Variants in SBNO2 observed in about 807,000 individuals in gnomAD.
SBNO2 encodes protein strawberry notch homolog 2.
A neutral mutation model predicts 146.3 loss-of-function variants in SBNO2; 89 were observed. The ratio of observed to expected loss-of-function variants is 0.61; its 90% CI spans 0.51 to 0.73. The LOEUF is 0.73. SBNO2 is among the 30% of genes least tolerant of loss of function. SBNO2 has a pLI of 0.00. For synonymous variants in SBNO2, 1,147 were observed against 892.6 expected (o/e 1.29, Z -5.08); for missense variants, 2,092 against 2,003.7 (o/e 1.04, Z -0.84).
intron 1 of SBNO2, among the ~76,000 whole-genome samples, chr19:1,172,005 C>T (rs761741046): frequency 2.0e-5 from 3 of 152,182 alleles, no homozygotes; most frequent in African/African-American, 4.8e-5. Context: ...GCTCCTGCTG[C>T]CTCTTCTGTG....
At chr19:1,139,818 G>A (rs1236595736) in intron 4 of SBNO2, among the ~76,000 whole-genome samples, 9 of 151,694 alleles carry the variant, frequency 5.9e-5, no homozygotes, top group Admixed American at 5.9e-4. Flanking sequence ...TATGGTGCGC[G>A]TCTGTAATCC....
Position 1,147,360 on chromosome 19 carries a change from G to A in SBNO2, c.228C>T (p.Ala76=). Residue 76 remains alanine (A), a synonymous_variant, in exon 4 of 32, where the codon GCC becomes GCT. Transcript: ENST00000361757. ...GCAAGCTGGAGGCGGTGGCCACGGG[G>A]GCATAGCTGGTGTCTGGGCAGGGCT... The part of the protein sequence containing the change: ...GSQPCPDTSY[A]PVATASSLPP... 2.6e-6 allele frequency: 4 copies of A among 1,564,112 alleles called. No individual in the cohort carries two copies. The highest frequency in any genetic ancestry group is 3.4e-6 in the Non-Finnish European group (4 of 1,160,860).
intron 17 of SBNO2, 22 bp from the exon 18 acceptor site, chr19:1,114,444 C>A: frequency 6.7e-7 from 1 of 1,495,750 alleles, no homozygotes; most frequent in Non-Finnish European, 8.9e-7. Context: ...GACAGGGTCA[C>A]CGAGGGCCAG....
intron 31 of SBNO2, 24 bp from the exon 32 acceptor site, chr19:1,108,728 G>A (rs765560127): frequency 1.3e-6 from 2 of 1,575,460 alleles, no homozygotes; most frequent in Non-Finnish European, 1.7e-6. Flanking sequence ...GTCGGGGTCA[G>A]GGCCGGCGCT....
rs1369380965 is a variant in SBNO2 at position 1,158,781 on chromosome 19, C to G, written c.-126-4379G>C. Reference sequence around the variant, plus strand: ...ACCTGAAGATGGCAAGGAGCAGGCCCCCGGGTGTCCCGGGAACCCCGCACA... The same window carrying G: ...ACCTGAAGATGGCAAGGAGCAGGCCGCCGGGTGTCCCGGGAACCCCGCACA... On this transcript the variant is annotated intron_variant, in intron 1 of 31. Coordinates refer to ENST00000361757, the MANE Select transcript of SBNO2 (RefSeq NM_014963.3). This position sits in a 1 kb window ranked among gnomAD's most constrained non-coding sequence, Gnocchi z 9.9. Among the ~76,000 whole-genome samples the G allele has an allele frequency of 6.6e-6, 1 of 152,170 alleles. No individual in the cohort carries two copies. The highest frequency in any genetic ancestry group is 1.5e-5 in the Non-Finnish European group (1 of 68,030).
intron 1 of SBNO2, among the ~76,000 whole-genome samples, chr19:1,167,160 C>T (rs1203386143): frequency 6.6e-6 from 1 of 152,264 alleles, no homozygotes; most frequent in Non-Finnish European, 1.5e-5. Context: ...GAGCTACGCA[C>T]CCTGTCCTGA....
In SBNO2 at chr19:1,150,631, C is replaced by T. The variant is rs148143021; in HGVS notation, c.94-1189G>A. On this transcript the variant is annotated intron_variant, in intron 2 of 31. Coordinates refer to ENST00000361757, the MANE Select transcript of SBNO2 (RefSeq NM_014963.3). This position sits in a 1 kb window ranked among gnomAD's most constrained non-coding sequence, Gnocchi z 6.2. ...CTTATCCCAGCAGGACTGGGGGCCA[C>T]GCTGGCTTCCAGAACAGGGTTGGGG... Among the ~76,000 whole-genome samples, 519 of 152,254 alleles carry T rather than the reference C, an allele frequency of 3.4e-3. 5 individuals are homozygous for T. The highest frequency in any genetic ancestry group is 0.012 in the African/African-American group (501 of 41,548).
At chr19:1,163,560 G>C (rs1438790557) in intron 1 of SBNO2, among the ~76,000 whole-genome samples, 1 of 152,230 alleles carries the variant, frequency 6.6e-6, no homozygotes, top group Non-Finnish European at 1.5e-5. Context: ...GTGCCCTGGG[G>C]TGAGGCGGCA....
chr19:1,113,445 G>C, intron 19 of SBNO2, 90 bp downstream of exon 19: 1 of 1,163,430 alleles, frequency 8.6e-7, no homozygotes, highest in Non-Finnish European at 1.2e-6. Flanking sequence ...GTGACCAGCA[G>C]GGGCCACCAG....
intron 1 of SBNO2, among the ~76,000 whole-genome samples, chr19:1,156,512 C>A (rs1464008748): frequency 6.6e-6 from 1 of 152,180 alleles, no homozygotes; most frequent in Non-Finnish European, 1.5e-5. Flanking sequence ...AGTCACCACA[C>A]CACCGAGCAA....
In SBNO2 at chr19:1,112,017, G is replaced by A; in HGVS notation, c.2679C>T (p.Ser893=). ...DRRATESRDL[S]KYNFENKYGT... is the part of the protein sequence containing the mutation. The stretch of plus-strand genomic sequence containing the variant: ...GTACCTTGTTCTCAAAGTTGTACTT[G>A]CTGAGGTCACGGGACTCCGTGGCGC... Residue 893 remains serine (S), a synonymous_variant, in exon 23 of 32, where the codon AGC becomes AGT. Transcript: ENST00000361757. The surrounding 1 kb of genome is among the most constrained non-coding windows in gnomAD (Gnocchi z 5.9). 1 of 1,598,368 alleles carries A rather than the reference G, an allele frequency of 6.3e-7. No homozygotes were observed. Among genetic ancestry groups the A allele is most frequent in the Non-Finnish European group, 8.5e-7 (1 of 1,171,480 alleles).
chr19:1,120,109 C>T, intron 11 of SBNO2, 86 bp from the exon 12 acceptor site: 5 of 1,034,434 alleles, frequency 4.8e-6, no homozygotes, highest in Middle Eastern at 2.1e-4. Context: ...ACCCCACCTT[C>T]CTGGTGGGGG....
chr19:1,149,279 C>T (rs2080220758), intron 3 of SBNO2, 90 bp downstream of exon 3: 9 of 1,233,020 alleles, frequency 7.3e-6, no homozygotes, highest in Non-Finnish European at 8.1e-6. Flanking sequence ...GACTTTGGGC[C>T]CTCGCGCCCT....
In SBNO2 at chr19:1,110,253, G is replaced by C. The variant is rs2079739825; in HGVS notation, c.3029-476C>G. ...GACCCGACCCTCATCTGGACACAGG[G>C]AAGTGGTCCTGATGGACAGGCCTGG... On this transcript the variant is annotated intron_variant, in intron 26 of 31. Coordinates refer to ENST00000361757, the MANE Select transcript of SBNO2 (RefSeq NM_014963.3). This position sits in a 1 kb window ranked among gnomAD's most constrained non-coding sequence, Gnocchi z 4.9. 6.6e-6 allele frequency among the ~76,000 whole-genome samples: 1 copy of C among 152,164 alleles called. No homozygotes were observed. The highest frequency in any genetic ancestry group is 6.5e-5 in the Admixed American group (1 of 15,278).
rs917971582 is a variant in SBNO2 at position 1,126,746 on chromosome 19, G to A, written c.441+858C>T. Reference sequence around the variant, plus strand: ...GGCTGGCATGGGCCCTCACCGGAAGGCGCTCAGTCCCAGAGACATGTCCAA... The same window carrying A: ...GGCTGGCATGGGCCCTCACCGGAAGACGCTCAGTCCCAGAGACATGTCCAA... On this transcript the variant is annotated intron_variant, in intron 5 of 31. Coordinates refer to ENST00000361757, the MANE Select transcript of SBNO2 (RefSeq NM_014963.3). This position sits in a 1 kb window ranked among gnomAD's most constrained non-coding sequence, Gnocchi z 4.4. 6.6e-6 allele frequency among the ~76,000 whole-genome samples: 1 copy of A among 152,224 alleles called. No homozygotes were observed. Among genetic ancestry groups the A allele is most frequent in the African/African-American group, 2.4e-5 (1 of 41,460 alleles).
At chr19:1,149,784 C>A (rs949259798) in intron 2 of SBNO2, among the ~76,000 whole-genome samples, 3 of 152,198 alleles carry the variant, frequency 2.0e-5, no homozygotes, top group Non-Finnish European at 4.4e-5. Flanking sequence ...CCGCTGGCCC[C>A]GGGACCCTGC....
rs1268849772 is a variant in SBNO2, at chr19:1,150,156, G to A, written c.94-714C>T. Among the ~76,000 whole-genome samples, 1 of 152,206 alleles carries A rather than the reference G, an allele frequency of 6.6e-6. No homozygotes were observed. The highest frequency in any genetic ancestry group is 1.5e-5 in the Non-Finnish European group (1 of 67,990). ...CAGGCCAGGCTTACCCAACACCCTC[G>A]CCAGGAGCCGATGTCCCCACCCCAT... On this transcript the variant is annotated intron_variant, in intron 2 of 31. Coordinates refer to ENST00000361757, the MANE Select transcript of SBNO2 (RefSeq NM_014963.3). This position sits in a 1 kb window ranked among gnomAD's most constrained non-coding sequence, Gnocchi z 6.2.
intron 4 of SBNO2, among the ~76,000 whole-genome samples, chr19:1,130,323 T>C (rs1043915275): frequency 3.3e-5 from 5 of 152,126 alleles, no homozygotes; most frequent in Non-Finnish European, 7.4e-5. Flanking sequence ...TTTTCTGTCA[T>C]TCTAAAACAG....
chr19:1,138,258 G>A (rs915125870), intron 4 of SBNO2, among the ~76,000 whole-genome samples: 6 of 140,168 alleles, frequency 4.3e-5, no homozygotes, highest in African/African-American at 1.3e-4. Flanking sequence ...TGCCCTGGGG[G>A]ACACTCACCC....
Sources: gnomAD v4.1 joint callset for allele counts (sites outside exome capture counted in the v4.1 genomes callset) on GRCh38, gnomAD v4.1.1 for gene constraint, Gnocchi (gnomAD v3.1) non-coding constraint, MANE v1.5 for transcripts, NCBI Gene and HGNC (gene_info 2026-07-23, HGNC 2026-07-21) for gene names.